AP5M1: variants seen among roughly 807,000 people sequenced by gnomAD.
AP5M1 encodes the protein AP-5 complex subunit mu-1.
A neutral mutation model predicts 52.3 loss-of-function variants in AP5M1; 44 were observed. The ratio of observed to expected loss-of-function variants is 0.84; its 90% CI spans 0.66 to 1.08. AP5M1 has a LOEUF of 1.08. Among genes scored for constraint, AP5M1 ranks in the 50% least tolerant of loss-of-function variants. AP5M1 has a pLI of 0.00. For missense variants in AP5M1, 526 were observed against 568.4 expected (o/e 0.93, Z 0.76); for synonymous variants, 213 against 199.0 (o/e 1.07, Z -0.59).
At chr14:57,275,079 G>GTTAC in intron 2 of AP5M1, 190 bp downstream of exon 2, 1 of 634,692 alleles carries the variant, frequency 1.6e-6, no homozygotes, top group African/African-American at 1.8e-5. Context: ...ATCTGTGGCT[G>GTTAC]TGTAAAGAAT....
Position 57,291,013 on chromosome 14 carries a change from A to G in AP5M1, c.*2129A>G, listed in dbSNP as rs1267773070. 1 of 151,926 alleles carries G rather than the reference A, an allele frequency of 6.6e-6. No individual in the cohort carries two copies. The highest frequency in any genetic ancestry group is 1.5e-5 in the Non-Finnish European group (1 of 67,872). 9.4% of individuals were successfully genotyped at this position (151,926 alleles called of 1,614,324 possible). ...CAGAGTCCGTTGCCACAATTAAAGA[A>G]GAAACAGCTGCATTTCAAAGGGATT... is the stretch of plus-strand genomic sequence containing the variant. On this transcript the variant is annotated 3_prime_UTR_variant, in exon 8 of 8. Coordinates refer to ENST00000261558, the MANE Select transcript of AP5M1 (RefSeq NM_018229.4).
intron 1 of AP5M1, among the ~76,000 whole-genome samples, chr14:57,270,970 G>A (rs964518678): frequency 1.5e-4 from 23 of 152,242 alleles, no homozygotes; most frequent in Middle Eastern, 3.4e-3. Flanking sequence ...AATCTGTACT[G>A]GCTAATACTG....
At chr14:57,286,341 T>G in intron 7 of AP5M1, 22 bp downstream of exon 7, 1 of 1,441,898 alleles carries the variant, frequency 6.9e-7, no homozygotes, top group Non-Finnish European at 9.8e-7. Context: ...AGATTCAAAC[T>G]AACTTAAGGG....
chr14:57,279,137 T>C (rs560015893), intron 2 of AP5M1, among the ~76,000 whole-genome samples: 64 of 152,282 alleles, frequency 4.2e-4, no homozygotes, highest in African/African-American at 1.5e-3. Flanking sequence ...CTCAAAGACA[T>C]TGAGGCAGAA....
At chr14:57,285,938 C>T (rs1885296135) in intron 6 of AP5M1, among the ~76,000 whole-genome samples, 1 of 152,038 alleles carries the variant, frequency 6.6e-6, no homozygotes, top group South Asian at 2.1e-4. Context: ...CTCAGCATAC[C>T]TTGCAGTATG....
In AP5M1 at chr14:57,289,141, T is replaced by C. The variant is rs147854337; in HGVS notation, c.*257T>C. Reference sequence around the variant, plus strand: ...TAGAAAAGTAATGATTCACTTGGGCTCATTTTAGACTGGTCCTGGGTCACC... The same window carrying C: ...TAGAAAAGTAATGATTCACTTGGGCCCATTTTAGACTGGTCCTGGGTCACC... On this transcript the variant is annotated 3_prime_UTR_variant, in exon 8 of 8. Transcript: ENST00000261558. The C allele has an allele frequency of 1.4e-3, 340 of 251,828 alleles. 2 individuals are homozygous for C. Among genetic ancestry groups the C allele is most frequent in the African/African-American group, 7.3e-3 (316 of 43,262 alleles). The allele number at this position is 251,828 out of a possible 1,614,324, so 15.6% of individuals were successfully genotyped here.
intron 2 of AP5M1, among the ~76,000 whole-genome samples, chr14:57,277,341 G>A (rs1192907320): frequency 6.6e-6 from 1 of 152,076 alleles, no homozygotes; most frequent in African/African-American, 2.4e-5. Flanking sequence ...AATGTTAAGA[G>A]ATTAATTTGC....
In AP5M1 at chr14:57,293,851, A is replaced by G. The variant is rs2139703026; in HGVS notation, c.*4967A>G. On this transcript the variant is annotated 3_prime_UTR_variant, in exon 8 of 8. Transcript: ENST00000261558. ...TAAGATGAAGAATATTTTAAGGGCA[A>G]ATATTCAAATATCTTTCCTCCAAAC... 1 of 151,726 alleles carries G rather than the reference A, an allele frequency of 6.6e-6. No individual in the cohort carries two copies. Among genetic ancestry groups the G allele is most frequent in the South Asian group, 2.1e-4 (1 of 4,818 alleles). 9.4% of individuals were successfully genotyped at this position (151,726 alleles called of 1,614,324 possible). A position where few individuals can be genotyped will look rare whatever the true frequency, so the allele number is the denominator to read the frequency against.
At position 57,285,865 on chromosome 14, in the gene AP5M1, A is replaced by C. The variant is rs186591492; in HGVS notation, c.1294-358A>C. Among the ~76,000 whole-genome samples the C allele has an allele frequency of 2.8e-4, 43 of 152,234 alleles. No individual in the cohort carries two copies. In the East Asian group the frequency reaches 7.4e-3, roughly 26 times the overall value. On this transcript the variant is annotated intron_variant, in intron 6 of 7. Transcript: ENST00000261558. ...TTGGAGTCGGTAAGGTCTGAGTTCA[A>C]ATGCCAGCTCTGCTGCTTACGTGCT...
chr14:57,280,155 T>G, intron 2 of AP5M1, 40 bp from the exon 3 acceptor site: 2 of 1,465,096 alleles, frequency 1.4e-6, no homozygotes, highest in Non-Finnish European at 1.9e-6. Flanking sequence ...AGACATTTGC[T>G]TCTGAGATTT....
intron 3 of AP5M1, among the ~76,000 whole-genome samples, chr14:57,280,835 A>T (rs1885155338): frequency 6.6e-6 from 1 of 151,356 alleles, no homozygotes; most frequent in South Asian, 2.1e-4. Context: ...TGGGCGACAG[A>T]GTGAGACTCC....
chr14:57,281,268 C>T (rs1323840545), intron 3 of AP5M1, among the ~76,000 whole-genome samples: 4 of 152,116 alleles, frequency 2.6e-5, no homozygotes, highest in South Asian at 2.1e-4. Flanking sequence ...ATAAATGAAA[C>T]TGCCTGGATT....
chr14:57,283,392 G>A lies in AP5M1; in HGVS notation c.1293+162G>A, dbSNP rs577541571. 3.9e-5 allele frequency: 22 copies of A among 557,636 alleles called. No homozygotes were observed. In the South Asian group the frequency reaches 5.0e-4, roughly 13 times the overall value. The allele number at this position is 557,636 out of a possible 1,614,324, so 34.5% of individuals were successfully genotyped here. On this transcript the variant is annotated intron_variant, in intron 6 of 7. Transcript: ENST00000261558. ...GATTTTTGTTTGATTTTTTGTTGTT[G>A]TTTAGTATTAGTCACTTCTATTTCA... is the stretch of plus-strand genomic sequence containing the variant.
chr14:57,277,428 T>C (rs1435517967), intron 2 of AP5M1, among the ~76,000 whole-genome samples: 1 of 152,204 alleles, frequency 6.6e-6, no homozygotes, highest in African/African-American at 2.4e-5. Flanking sequence ...CATAAATATC[T>C]ATCAAAAGCA....
chr14:57,269,948 A>G (rs1467308925), intron 1 of AP5M1, among the ~76,000 whole-genome samples: 2 of 152,096 alleles, frequency 1.3e-5, no homozygotes, highest in Non-Finnish European at 2.9e-5. Context: ...AGCTGGGACT[A>G]CAGGCACCCG....
intron 2 of AP5M1, among the ~76,000 whole-genome samples, chr14:57,275,770 G>A (rs138527328): frequency 8.3e-4 from 127 of 152,236 alleles, no homozygotes; most frequent in African/African-American, 2.9e-3. Context: ...TTAATATTGG[G>A]TTCTCTGTAG....
At chr14:57,287,997 C>T (rs1317288815) in intron 7 of AP5M1, among the ~76,000 whole-genome samples, 1 of 152,024 alleles carries the variant, frequency 6.6e-6, no homozygotes, top group African/African-American at 2.4e-5. Flanking sequence ...GTCAGATACT[C>T]AAGCATTCTG....
rs972574733 is a variant in AP5M1 at position 57,294,111 on chromosome 14, A to C, written c.*5227A>C. 8 of 151,858 alleles carry C rather than the reference A, an allele frequency of 5.3e-5. No homozygotes were observed. The highest frequency in any genetic ancestry group is 1.9e-4 in the African/African-American group (8 of 41,414). The allele number at this position is 151,858 out of a possible 1,614,324, so 9.4% of individuals were successfully genotyped here. A position where few individuals can be genotyped will look rare whatever the true frequency, so the allele number is the denominator to read the frequency against. On this transcript the variant is annotated 3_prime_UTR_variant, in exon 8 of 8. Transcript: ENST00000261558. ...ACTAGCTTCTTGCCTTATAAGCAGG[A>C]TACTGCAAGGTCTGGTTGATTTCTC...
chr14:57,280,473 A>G (rs1287062507), intron 3 of AP5M1, 51 bp downstream of exon 3: 2 of 1,189,586 alleles, frequency 1.7e-6, no homozygotes, highest in South Asian at 2.6e-5. Flanking sequence ...ATTCATAAAT[A>G]CTATTGATAA....
Sources: allele counts gnomAD v4.1 joint callset (sites outside exome capture counted in the v4.1 genomes callset), GRCh38; gene constraint gnomAD v4.1.1; transcripts MANE v1.5; gene names NCBI Gene and HGNC (gene_info 2026-07-23, HGNC 2026-07-21).